NALCN: variants seen among roughly 807,000 people sequenced by gnomAD.
NALCN encodes the protein sodium leak channel NALCN.
NALCN carries 111 observed loss-of-function variants against 225.3 expected under a neutral mutation model. That is an observed-to-expected ratio of 0.49 (90% CI 0.42 to 0.58). The LOEUF is 0.58. Among genes scored for constraint, NALCN ranks in the 20% least tolerant of loss-of-function variants. The pLI, the probability that NALCN is intolerant of heterozygous loss-of-function variation, is 0.00. For missense variants in NALCN, 1,378 were observed against 2,202.4 expected, an observed-to-expected ratio of 0.63 and a Z score of 7.49; for synonymous variants, 764 against 769.0, an observed-to-expected ratio of 0.99 and a Z score of 0.11.
At chr13:101,261,836 A>G (rs1045009186) in intron 10 of NALCN, among the ~76,000 whole-genome samples, 3 of 152,126 alleles carry the variant, frequency 2.0e-5, no homozygotes, top group Non-Finnish European at 4.4e-5. Context: ...ATGCCCTTTA[A>G]TCTTTCTCTT....
chr13:101,377,985 G>A (rs976872180), intron 4 of NALCN, among the ~76,000 whole-genome samples: 4 of 151,958 alleles, frequency 2.6e-5, no homozygotes, highest in Non-Finnish European at 5.9e-5. Context: ...TTATAATAAA[G>A]CATTTAATAT....
intron 10 of NALCN, among the ~76,000 whole-genome samples, chr13:101,278,998 C>G (rs1283408395): frequency 6.6e-6 from 1 of 152,124 alleles, no homozygotes; most frequent in African/African-American, 2.4e-5. Context: ...GGACTGTTCT[C>G]GGTTAATAAA....
At chr13:101,227,185 A>G (rs528303597) in intron 13 of NALCN, among the ~76,000 whole-genome samples, 2 of 152,132 alleles carry the variant, frequency 1.3e-5, no homozygotes, top group Non-Finnish European at 2.9e-5. Flanking sequence ...CACCTGTCTA[A>G]GGCCAATCTT....
In NALCN at chr13:101,179,941, C is replaced by T. The variant is rs1248447869; in HGVS notation, c.1765-3567G>A. On this transcript the variant is annotated intron_variant, in intron 14 of 43. Transcript: ENST00000251127. ...GTCCCTCGGCTTGTGGCTTTGTTAA[C>T]ACCAGTCACTTGGCCTTTATCTAAC... Among the ~76,000 whole-genome samples the T allele has an allele frequency of 2.0e-5, 3 of 152,230 alleles. No homozygotes were observed. In the South Asian group the frequency reaches 6.2e-4, roughly 32 times the overall value.
chr13:101,278,086 T>C (rs894204317), intron 10 of NALCN, among the ~76,000 whole-genome samples: 1 of 152,246 alleles, frequency 6.6e-6, no homozygotes, highest in South Asian at 2.1e-4. Context: ...AGTAGTTAAA[T>C]GGGAACTCAA....
At chr13:101,383,943 A>G (rs767359459) in intron 3 of NALCN, among the ~76,000 whole-genome samples, 1 of 152,346 alleles carries the variant, frequency 6.6e-6, no homozygotes, top group Non-Finnish European at 1.5e-5. Flanking sequence ...GCTAAGGCAC[A>G]ATAAGTTTAT....
chr13:101,116,369 C>A, intron 18 of NALCN: 1 of 277,084 alleles, frequency 3.6e-6, no homozygotes, highest in Non-Finnish European at 7.2e-6. Context: ...AGAATCATGT[C>A]TTGAAATTGT....
intron 19 of NALCN, 84 bp downstream of exon 19, chr13:101,111,041 C>A: frequency 7.2e-7 from 1 of 1,383,738 alleles, no homozygotes; most frequent in Non-Finnish European, 1.0e-6. Context: ...CCAGGGCTGA[C>A]AGCCGTGACT....
chr13:101,209,250 T>C (rs1056453745), intron 13 of NALCN, among the ~76,000 whole-genome samples: 4 of 152,218 alleles, frequency 2.6e-5, no homozygotes, highest in African/African-American at 4.8e-5. Flanking sequence ...CAATCACATA[T>C]AGTAACCATT....
chr13:101,074,773 T>A, intron 35 of NALCN, 111 bp from the exon 36 acceptor site: 1 of 1,283,702 alleles, frequency 7.8e-7, no homozygotes, highest in African/African-American at 1.5e-5. Context: ...ATGGAAGACC[T>A]GGGTAGCAAC....
At chr13:101,311,822 T>C (rs2044357228) in intron 7 of NALCN, among the ~76,000 whole-genome samples, 1 of 152,232 alleles carries the variant, frequency 6.6e-6, no homozygotes. Flanking sequence ...TAAAATTCTC[T>C]TTTTTGGTTG....
intron 17 of NALCN, among the ~76,000 whole-genome samples, chr13:101,140,110 T>C (rs1452040160): frequency 6.6e-6 from 1 of 152,234 alleles, no homozygotes; most frequent in Non-Finnish European, 1.5e-5. Flanking sequence ...ACAGGAGCAG[T>C]TGTCTTGCCA....
chr13:101,255,743 C>T (rs933924129), intron 11 of NALCN, among the ~76,000 whole-genome samples: 6 of 152,164 alleles, frequency 3.9e-5, no homozygotes, highest in Non-Finnish European at 8.8e-5. Context: ...AATCTCTGTT[C>T]CCAGAATCTA....
chr13:101,233,576 G>A (rs939866620), intron 12 of NALCN, among the ~76,000 whole-genome samples: 2 of 151,942 alleles, frequency 1.3e-5, no homozygotes, highest in Non-Finnish European at 2.9e-5. Context: ...TCCTGACCTC[G>A]TGATCCACCC....
At position 101,083,042 on chromosome 13, in the gene NALCN, A is replaced by G. The variant is rs757030888; in HGVS notation, c.3690+50T>C. On this transcript the variant is annotated intron_variant, in intron 32 of 43. Transcript: ENST00000251127. The stretch of plus-strand genomic sequence containing the variant: ...AGCAGCTTGTGATACTCTCGGATGT[A>G]GCAGTGAATACAAAATTCATTCCCG... 5.1e-6 allele frequency: 8 copies of G among 1,575,352 alleles called. No homozygotes were observed. In the South Asian group the frequency reaches 8.9e-5, roughly 17 times the overall value.
rs150741875 is a variant in NALCN, at chr13:101,376,026, A to C, written c.644+674T>G. ...TAGGTAATTAAAGTACATACATTCT[A>C]TCTTACCCACCAACCCTACAACAGT... On this transcript the variant is annotated intron_variant, in intron 6 of 43. Coordinates refer to ENST00000251127, the MANE Select transcript of NALCN (RefSeq NM_052867.4). 1.5e-4 allele frequency among the ~76,000 whole-genome samples: 23 copies of C among 152,304 alleles called. No homozygotes were observed. The East Asian group carries it at 3.1e-3, about 20-fold the overall frequency.
chr13:101,313,578 A>G lies in NALCN; in HGVS notation c.800-21212T>C, dbSNP rs534911598. On this transcript the variant is annotated intron_variant, in intron 7 of 43. Transcript: ENST00000251127. Reference sequence around the variant, plus strand: ...CCAAAAAACACATGAAAAAATGCTCATCATCACTGGCCATCAGAGAACTGC... The same window carrying G: ...CCAAAAAACACATGAAAAAATGCTCGTCATCACTGGCCATCAGAGAACTGC... Among the ~76,000 whole-genome samples the G allele has an allele frequency of 9.8e-5, 15 of 152,344 alleles. No homozygotes were observed. The East Asian group carries it at 2.5e-3, about 26-fold the overall frequency.
At chr13:101,395,422 A>G (rs1191023247) in intron 2 of NALCN, 57 bp from the exon 3 acceptor site, 4 of 1,528,708 alleles carry the variant, frequency 2.6e-6, no homozygotes, top group Non-Finnish European at 3.6e-6. Flanking sequence ...TCAAACTTGT[A>G]TTATGAACCA....
chr13:101,300,528 G>T (rs2043927095), intron 7 of NALCN, among the ~76,000 whole-genome samples: 2 of 151,454 alleles, frequency 1.3e-5, no homozygotes, highest in Non-Finnish European at 2.9e-5. Flanking sequence ...TTGGCTCACT[G>T]CAGCCTTCAC....
Sources: allele counts gnomAD v4.1 joint callset (sites outside exome capture counted in the v4.1 genomes callset), GRCh38; gene constraint gnomAD v4.1.1; transcripts MANE v1.5; gene names NCBI Gene and HGNC (gene_info 2026-07-23, HGNC 2026-07-21).